The following DYDC2 variants were observed in gnomAD, a reference collection of about 807,000 sequenced individuals.
The protein encoded by DYDC2 is DPY30 domain containing 2.
Under a neutral mutation model 18.7 loss-of-function variants are expected in DYDC2, and 19 were observed. The ratio of observed to expected loss-of-function variants is 1.02; its 90% confidence interval spans 0.71 to 1.49. The LOEUF is 1.49. DYDC2 is among the 40% of genes most tolerant of loss of function. The probability of loss-of-function intolerance (pLI) is 0.00; values close to 1 mark genes in which losing one functional copy is unlikely to be tolerated. For missense variants in DYDC2, 179 were observed against 205.1 expected (o/e 0.87, Z 0.78); for synonymous variants, 63 against 67.6 (o/e 0.93, Z 0.34).
At chr10:80,362,155 T>C (rs1248453316) in intron 2 of DYDC2, among the ~76,000 whole-genome samples, 4 of 152,224 alleles carry the variant, frequency 2.6e-5, no homozygotes, top group African/African-American at 4.8e-5. Context: ...TAAGGCTAGA[T>C]CTGAGCTTTT....
At chr10:80,350,191 A>T (rs1368407488) in intron 1 of DYDC2, among the ~76,000 whole-genome samples, 1 of 152,162 alleles carries the variant, frequency 6.6e-6, no homozygotes, top group Non-Finnish European at 1.5e-5. Flanking sequence ...CTACTACAAT[A>T]CTTAGGATTC....
chr10:80,366,951 G>T lies in DYDC2; in HGVS notation c.534G>T (p.Ter178TyrextTer8). The T allele has an allele frequency of 6.2e-7, 1 of 1,608,866 alleles. No individual in the cohort carries two copies. The highest frequency in any genetic ancestry group is 1.1e-5 in the South Asian group (1 of 90,150). ...CTCCTGGCTCCAAATCTCCTTTTTA[G>T]GTTACAGAAGGTAGATGCTTCTGAT... ...EMPPGSKSPF* is the reference protein window; with the variant it reads ...EMPPGSKSPFY Residue 178 changes from the stop codon to tyrosine (Y), a stop_lost, in exon 5 of 5, where the codon TAG becomes TAT. Coordinates refer to ENST00000256039, the MANE Select transcript of DYDC2 (RefSeq NM_032372.6).
upstream of DYDC2, among the ~76,000 whole-genome samples, chr10:80,353,057 T>G (rs1843100177): frequency 6.6e-6 from 1 of 152,034 alleles, no homozygotes; most frequent in Non-Finnish European, 1.5e-5. Flanking sequence ...ACCCACCTCT[T>G]GATTCCAAAA....
chr10:80,349,182 C>T (rs1010590321), intron 1 of DYDC2, among the ~76,000 whole-genome samples: 2 of 152,326 alleles, frequency 1.3e-5, no homozygotes, highest in African/African-American at 2.4e-5. Flanking sequence ...TGAGCCACCG[C>T]GCCCGGCCCG....
chr10:80,345,449 C>T (rs1220031008), intron 1 of DYDC2, among the ~76,000 whole-genome samples: 3 of 152,188 alleles, frequency 2.0e-5, no homozygotes, highest in African/African-American at 7.2e-5. Flanking sequence ...AATCTACTCT[C>T]TTAAAAATTT....
At chr10:80,346,254 T>G (rs1271552572) in intron 1 of DYDC2, among the ~76,000 whole-genome samples, 1 of 152,174 alleles carries the variant, frequency 6.6e-6, no homozygotes, top group Non-Finnish European at 1.5e-5. Flanking sequence ...GTAGTCTCTA[T>G]AAGGTGCTGG....
chr10:80,365,533 G>T (rs1277437662), intron 4 of DYDC2, among the ~76,000 whole-genome samples: 2 of 152,170 alleles, frequency 1.3e-5, no homozygotes, highest in African/African-American at 2.4e-5. Flanking sequence ...AGTGTAGAAG[G>T]GTCTCAGAGA....
At chr10:80,358,576 G>T (rs758711503) in intron 2 of DYDC2, among the ~76,000 whole-genome samples, 5 of 152,166 alleles carry the variant, frequency 3.3e-5, no homozygotes, top group Non-Finnish European at 7.4e-5. Flanking sequence ...TAACCAGTGT[G>T]GCAGCCACCC....
At chr10:80,356,722 G>T (rs1325219033), upstream of DYDC2, 4 of 985,104 alleles carry the variant, frequency 4.1e-6, no homozygotes, top group African/African-American at 5.2e-5. Flanking sequence ...CCCTACACAC[G>T]CGCCTGCTCG....
chr10:80,363,110 A>G, intron 4 of DYDC2, 37 bp downstream of exon 4: 1 of 1,589,882 alleles, frequency 6.3e-7, no homozygotes, highest in South Asian at 1.2e-5. Context: ...TGCCACACAC[A>G]TCCCAGTGAT....
At chr10:80,361,685 T>G (rs1429417886) in intron 2 of DYDC2, among the ~76,000 whole-genome samples, 2 of 152,238 alleles carry the variant, frequency 1.3e-5, no homozygotes, top group Non-Finnish European at 2.9e-5. Flanking sequence ...ACTCATGGAT[T>G]CTTATTTTAT....
upstream of DYDC2, chr10:80,352,820 TCAAAATCCTGAAGGACTCTCAAGTCCA>T (rs1843084481): frequency 2.2e-6 from 1 of 455,726 alleles, no homozygotes; most frequent in Non-Finnish European, 3.5e-6. Flanking sequence ...TAACATGGTT[TCAAAATCCTGAAGGACTCTCAAGTCCA>T]AGAGTCAGAA....
chr10:80,361,166 C>CT (rs368695312), intron 2 of DYDC2, among the ~76,000 whole-genome samples: 138 of 150,232 alleles, frequency 9.2e-4, no homozygotes, highest in East Asian at 4.7e-3. Flanking sequence ...AACAGTTACT[C>CT]TTTTTTTTTT....
chr10:80,356,286 C>G, upstream of DYDC2: 3 of 985,620 alleles, frequency 3.0e-6, no homozygotes, highest in Non-Finnish European at 3.6e-6. Context: ...TAAGAAAGCC[C>G]TTTCCCACAG....
chr10:80,348,022 T>A (rs1269721086), intron 1 of DYDC2, among the ~76,000 whole-genome samples: 2 of 152,358 alleles, frequency 1.3e-5, no homozygotes, highest in East Asian at 3.9e-4. Context: ...GGGATTGAGA[T>A]GAATCTGCAG....
At chr10:80,350,665 T>C (rs777499339) in intron 1 of DYDC2, among the ~76,000 whole-genome samples, 6 of 152,226 alleles carry the variant, frequency 3.9e-5, no homozygotes, top group Non-Finnish European at 8.8e-5. Flanking sequence ...GGTCTATATT[T>C]TTCTTTCTAT....
chr10:80,366,542 T>G, intron 4 of DYDC2, 146 bp from the exon 5 acceptor site: 1 of 898,686 alleles, frequency 1.1e-6, no homozygotes, highest in Non-Finnish European at 1.7e-6. Context: ...ATCCTATAGG[T>G]TTGGTTTTAT....
intron 4 of DYDC2, among the ~76,000 whole-genome samples, chr10:80,363,800 G>A (rs1196566921): frequency 6.6e-6 from 1 of 152,120 alleles, no homozygotes; most frequent in Non-Finnish European, 1.5e-5. Context: ...TTAGTATTTA[G>A]TATTTGGTTT....
At chr10:80,354,956 A>G (rs1001714551), upstream of DYDC2, among the ~76,000 whole-genome samples, 1 of 152,206 alleles carries the variant, frequency 6.6e-6, no homozygotes, top group African/African-American at 2.4e-5. Flanking sequence ...AGAAAGGAAG[A>G]TAAATATTTA....
Sources: allele counts gnomAD v4.1 joint callset (sites outside exome capture counted in the v4.1 genomes callset), GRCh38; gene constraint gnomAD v4.1.1; transcripts MANE v1.5; gene names NCBI Gene and HGNC (gene_info 2026-07-23, HGNC 2026-07-21).